ARHGAP6: variants seen among roughly 807,000 people sequenced by gnomAD.
ARHGAP6 encodes the protein Rho GTPase activating protein 6.
In ARHGAP6, 16 loss-of-function variants were observed where a neutral mutation model predicts 55.7. The ratio of observed to expected loss-of-function variants is 0.29; its 90% CI spans 0.19 to 0.44. The LOEUF (loss-of-function observed/expected upper bound fraction) is 0.44, where lower values mean the gene tolerates loss of function less well. Among genes scored for constraint, ARHGAP6 ranks in the 20% least tolerant of loss-of-function variants. ARHGAP6 has a pLI of 1.00. For missense variants in ARHGAP6, 698 were observed against 808.9 expected (o/e 0.86, Z 1.66); for synonymous variants, 382 against 360.9 (o/e 1.06, Z -0.66).
intron 1 of ARHGAP6, among the ~76,000 whole-genome samples, chrX:11,319,472 T>G (rs1465878290): frequency 8.9e-6 from 1 of 111,939 alleles, no homozygotes; most frequent in Non-Finnish European, 1.9e-5. Context: ...CAGCTGCTGA[T>G]GGTTCCGGGA....
intron 1 of ARHGAP6, among the ~76,000 whole-genome samples, chrX:11,425,222 G>C (rs940846860): frequency 9.0e-6 from 1 of 111,585 alleles, no homozygotes; most frequent in African/African-American, 3.3e-5. Context: ...TTCATGTCAA[G>C]GAAGACAGAC....
intron 1 of ARHGAP6, among the ~76,000 whole-genome samples, chrX:11,475,170 C>T (rs908351526): frequency 1.5e-4 from 17 of 111,702 alleles, no homozygotes; most frequent in African/African-American, 5.2e-4. Context: ...CATAATAGCG[C>T]TATATGATCA....
At chrX:11,566,733 G>A (rs1433954689) in intron 1 of ARHGAP6, among the ~76,000 whole-genome samples, 3 of 111,963 alleles carry the variant, frequency 2.7e-5, no homozygotes, top group East Asian at 2.8e-4. Context: ...ATATCTCCAT[G>A]AGTATTATGC....
intron 1 of ARHGAP6, among the ~76,000 whole-genome samples, chrX:11,543,090 T>C (rs945326410): frequency 1.8e-5 from 2 of 111,756 alleles, no homozygotes; most frequent in African/African-American, 3.3e-5. Context: ...AAGCAATGAT[T>C]TGAGAAATGG....
intron 2 of ARHGAP6, chrX:11,221,461 G>A: frequency 6.4e-6 from 1 of 155,209 alleles, no homozygotes. Flanking sequence ...CGAATTAGTG[G>A]ACAAGACTGT....
At chrX:11,292,152 T>C (rs1286414739) in intron 1 of ARHGAP6, among the ~76,000 whole-genome samples, 1 of 112,163 alleles carries the variant, frequency 8.9e-6, no homozygotes. Flanking sequence ...TAAACATATG[T>C]ATATATACAA....
At chrX:11,361,504 C>A (rs2147693728) in intron 1 of ARHGAP6, among the ~76,000 whole-genome samples, 1 of 110,848 alleles carries the variant, frequency 9.0e-6, no homozygotes, top group South Asian at 3.9e-4. Flanking sequence ...AAAATTAATT[C>A]AAGATGGATT....
chrX:11,431,554 C>G (rs1005588266), intron 1 of ARHGAP6, among the ~76,000 whole-genome samples: 1 of 111,674 alleles, frequency 9.0e-6, no homozygotes, highest in African/African-American at 3.3e-5. Flanking sequence ...GATGGCAGGA[C>G]AGGCCCTTCT....
At chrX:11,315,961 T>C (rs2048355793) in intron 1 of ARHGAP6, among the ~76,000 whole-genome samples, 1 of 112,109 alleles carries the variant, frequency 8.9e-6, no homozygotes, top group African/African-American at 3.2e-5. Context: ...TATTCTTCTC[T>C]ATAGTGTTCC....
rs761360815 is a variant in ARHGAP6 at position 11,156,184 on chromosome X, G to A, written c.1907+345C>T. The stretch of plus-strand genomic sequence containing the variant: ...CAGGCGCAGCCTTAAGGGCCCCTAT[G>A]CACGCTTATCAGAATTCTAGAAGTA... On this transcript the variant is annotated intron_variant, in intron 10 of 12. Coordinates refer to ENST00000337414, the MANE Select transcript of ARHGAP6 (RefSeq NM_013427.3). Among the ~76,000 whole-genome samples, 3 of 112,246 alleles carry A rather than the reference G, an allele frequency of 2.7e-5. No individual in the cohort carries two copies. In the East Asian group the frequency reaches 8.4e-4, roughly 31 times the overall value.
At chrX:11,166,246 G>A (rs1194156260) in intron 9 of ARHGAP6, among the ~76,000 whole-genome samples, 6 of 111,333 alleles carry the variant, frequency 5.4e-5, no homozygotes, top group Non-Finnish European at 1.1e-4. Flanking sequence ...TCCCTGCCAG[G>A]CCTCTGTGAG....
chrX:11,175,727 G>T (rs1202171372), intron 8 of ARHGAP6, among the ~76,000 whole-genome samples: 1 of 111,105 alleles, frequency 9.0e-6, no homozygotes, highest in African/African-American at 3.3e-5. Context: ...ACTGCTACTG[G>T]CATCTAGTGG....
intron 1 of ARHGAP6, among the ~76,000 whole-genome samples, chrX:11,325,014 G>A (rs977402064): frequency 8.1e-5 from 9 of 110,541 alleles, no homozygotes; most frequent in Middle Eastern, 4.7e-3. Flanking sequence ...GCCCGCCACC[G>A]CGCCCGGCTA....
At chrX:11,231,847 G>A (rs1001639900) in intron 2 of ARHGAP6, among the ~76,000 whole-genome samples, 3 of 112,242 alleles carry the variant, frequency 2.7e-5, no homozygotes, top group Non-Finnish European at 5.6e-5. Flanking sequence ...TTGTAAAACA[G>A]TGATGATGGT....
intron 1 of ARHGAP6, among the ~76,000 whole-genome samples, chrX:11,324,386 G>A (rs947592048): frequency 9.2e-6 from 1 of 108,977 alleles, no homozygotes; most frequent in African/African-American, 3.3e-5. Flanking sequence ...ACTTTTTAGA[G>A]GGCCAAAACT....
intron 1 of ARHGAP6, among the ~76,000 whole-genome samples, chrX:11,346,719 A>AAAAGAAAGAAAGAAAG (rs74803792): frequency 0.069 from 6,343 of 92,282 alleles, 270 homozygotes; most frequent in Non-Finnish European, 0.082. Flanking sequence ...AAGAAGAAAG[A>AAAAGAAAGAAAGAAAG]AAAGAAAGAA....
intron 8 of ARHGAP6, among the ~76,000 whole-genome samples, chrX:11,173,052 A>G (rs1347674972): frequency 1.8e-5 from 2 of 111,738 alleles, no homozygotes; most frequent in African/African-American, 6.5e-5. Context: ...TGTTGTCCCT[A>G]TTTTATAGAC....
intron 1 of ARHGAP6, among the ~76,000 whole-genome samples, chrX:11,653,213 A>G (rs1218070382): frequency 3.6e-5 from 4 of 112,361 alleles, no homozygotes; most frequent in Admixed American, 9.4e-5. Context: ...TCTAAATGCA[A>G]TGAAGTTACC....
intron 1 of ARHGAP6, among the ~76,000 whole-genome samples, chrX:11,373,422 A>T (rs1251512298): frequency 8.9e-6 from 1 of 111,753 alleles, no homozygotes; most frequent in Non-Finnish European, 1.9e-5. Flanking sequence ...AGCAAATGAT[A>T]GTAATATTTA....
Sources: gnomAD v4.1 joint callset for allele counts (sites outside exome capture counted in the v4.1 genomes callset) on GRCh38, gnomAD v4.1.1 for gene constraint, MANE v1.5 for transcripts, NCBI Gene and HGNC (gene_info 2026-07-23, HGNC 2026-07-21) for gene names.